STIM2: variants seen among roughly 807,000 people sequenced by gnomAD.
The protein encoded by STIM2 is stromal interaction molecule 2.
Under a neutral mutation model 85.8 loss-of-function variants are expected in STIM2, and 31 were observed. The ratio of observed to expected loss-of-function variants is 0.36; its 90% CI spans 0.27 to 0.49. The LOEUF (loss-of-function observed/expected upper bound fraction) is 0.49. STIM2 is among the 20% of genes least tolerant of loss of function. The probability of loss-of-function intolerance (pLI) is 0.98; values close to 1 mark genes in which losing one functional copy is unlikely to be tolerated. For missense variants in STIM2, 841 were observed against 927.6 expected (o/e 0.91, Z 1.21); for synonymous variants, 356 against 331.1 (o/e 1.08, Z -0.82).
chr4:26,914,247 A>G (rs1361262818), intron 1 of STIM2, among the ~76,000 whole-genome samples: 7 of 152,232 alleles, frequency 4.6e-5, no homozygotes, highest in Non-Finnish European at 7.3e-5. Context: ...GGCAAAGTGA[A>G]ATGTGTAACA....
At chr4:27,014,718 T>C (rs1728678607) in intron 10 of STIM2, among the ~76,000 whole-genome samples, 1 of 151,960 alleles carries the variant, frequency 6.6e-6, no homozygotes, top group African/African-American at 2.4e-5. Context: ...AAATCTTCTG[T>C]ATACGTATAC....
intron 2 of STIM2, among the ~76,000 whole-genome samples, chr4:26,936,074 G>A (rs1431069101): frequency 2.0e-5 from 3 of 152,092 alleles, no homozygotes. Context: ...GGATCTTTTG[G>A]TTTTTAAAGT....
intron 1 of STIM2, among the ~76,000 whole-genome samples, chr4:26,907,849 T>C (rs1326740944): frequency 6.6e-6 from 1 of 152,188 alleles, no homozygotes; most frequent in Non-Finnish European, 1.5e-5. Flanking sequence ...GAACATCAAG[T>C]CCCTGGTCTG....
At chr4:26,937,654 TGAAA>T (rs1725442139) in intron 2 of STIM2, among the ~76,000 whole-genome samples, 1 of 152,114 alleles carries the variant, frequency 6.6e-6, no homozygotes, top group Admixed American at 6.5e-5. Context: ...TTTTTCTGAG[TGAAA>T]GAGAGTGTTA....
chr4:26,986,466 CTT>C (rs1727589785), intron 3 of STIM2, among the ~76,000 whole-genome samples: 1 of 152,126 alleles, frequency 6.6e-6, no homozygotes, highest in African/African-American at 2.4e-5. Context: ...AGGCTTGTAA[CTT>C]AATACAGGCA....
intron 1 of STIM2, among the ~76,000 whole-genome samples, chr4:26,904,876 T>C (rs1198035934): frequency 6.6e-6 from 1 of 151,990 alleles, no homozygotes; most frequent in Non-Finnish European, 1.5e-5. Context: ...GTGATACCCT[T>C]GAGGGGCTAA....
At chr4:26,987,023 T>A (rs868222848) in intron 3 of STIM2, among the ~76,000 whole-genome samples, 1 of 152,178 alleles carries the variant, frequency 6.6e-6, no homozygotes, top group Non-Finnish European at 1.5e-5. Context: ...GTATAGAAAT[T>A]CATGGGAGAA....
intron 1 of STIM2, among the ~76,000 whole-genome samples, chr4:26,869,246 C>T (rs1722516614): frequency 6.7e-6 from 1 of 149,842 alleles, no homozygotes; most frequent in East Asian, 2.0e-4. Flanking sequence ...CTGCAGCAAG[C>T]CCTGATCAGG....
chr4:26,988,561 G>A (rs980425449), intron 3 of STIM2, among the ~76,000 whole-genome samples: 1 of 152,060 alleles, frequency 6.6e-6, no homozygotes, highest in Admixed American at 6.6e-5. Context: ...TTGAAGAGGC[G>A]GTGTTCCTGC....
At chr4:27,019,636 T>G (rs1728850314) in intron 11 of STIM2, 1 of 438,064 alleles carries the variant, frequency 2.3e-6, no homozygotes, top group African/African-American at 2.1e-5. Flanking sequence ...TCTCCTCTAT[T>G]GAACCACCAG....
At chr4:26,957,843 G>T in intron 3 of STIM2, 117 bp downstream of exon 3, 2 of 608,562 alleles carry the variant, frequency 3.3e-6, no homozygotes, top group Non-Finnish European at 5.8e-6. Flanking sequence ...ATTTCTGTGA[G>T]GATATTTATA....
chr4:26,999,481 A>T (rs1728070709), intron 5 of STIM2, 134 bp downstream of exon 5: 2 of 370,440 alleles, frequency 5.4e-6, no homozygotes. Flanking sequence ...GAAGTGTAAT[A>T]CTACCTTAAA....
At chr4:26,970,064 A>G (rs1303447236) in intron 3 of STIM2, among the ~76,000 whole-genome samples, 1 of 151,328 alleles carries the variant, frequency 6.6e-6, no homozygotes, top group Non-Finnish European at 1.5e-5. Flanking sequence ...CAAAATAAAA[A>G]AAATGAGAAG....
intron 7 of STIM2, among the ~76,000 whole-genome samples, chr4:27,003,975 G>A (rs143075295): frequency 1.5e-4 from 23 of 152,132 alleles, no homozygotes; most frequent in African/African-American, 4.8e-4. Flanking sequence ...AACAAAATGA[G>A]GATTATAAAA....
intron 1 of STIM2, among the ~76,000 whole-genome samples, chr4:26,882,197 A>T (rs1467189195): frequency 6.6e-6 from 1 of 152,176 alleles, no homozygotes; most frequent in Non-Finnish European, 1.5e-5. Flanking sequence ...GAAGATGAAG[A>T]CTGATTCTTT....
At chr4:26,873,930 G>A (rs1422486208) in intron 1 of STIM2, 2 of 1,351,884 alleles carry the variant, frequency 1.5e-6, no homozygotes, top group Non-Finnish European at 2.1e-6. Flanking sequence ...CCTCCAGACA[G>A]CTGGGTGCTC....
At position 26,999,310 on chromosome 4, in the gene STIM2, C is replaced by A; in HGVS notation, c.588C>A (p.Leu196=). The change falls in exon 5 of 12, where the codon CTC becomes CTA. Residue 196 remains leucine, a synonymous_variant. Transcript: ENST00000467087. Reference sequence around the variant, plus strand: ...GGAGTCACAGACAAAAACTTCAGCTCAAGGCATTGGATGTGGTTTTGTTTG... The same window carrying A: ...GGAGTCACAGACAAAAACTTCAGCTAAAGGCATTGGATGTGGTTTTGTTTG... 1 of 1,609,568 alleles carries A rather than the reference C, an allele frequency of 6.2e-7. No individual in the cohort carries two copies. The highest frequency in any genetic ancestry group is 8.5e-7 in the Non-Finnish European group (1 of 1,177,898).
At chr4:26,898,908 G>A (rs1215707216) in intron 1 of STIM2, among the ~76,000 whole-genome samples, 1 of 151,138 alleles carries the variant, frequency 6.6e-6, no homozygotes, top group Admixed American at 6.6e-5. Flanking sequence ...CTAAATTCTT[G>A]TTAATTTTAT....
At chr4:26,956,409 A>G (rs923475165) in intron 2 of STIM2, among the ~76,000 whole-genome samples, 1 of 151,532 alleles carries the variant, frequency 6.6e-6, no homozygotes, top group Non-Finnish European at 1.5e-5. Context: ...GTAATATAGA[A>G]CAGGTTAGTT....
Sources: gnomAD v4.1 joint callset for allele counts (sites outside exome capture counted in the v4.1 genomes callset) on GRCh38, gnomAD v4.1.1 for gene constraint, MANE v1.5 for transcripts, NCBI Gene and HGNC (gene_info 2026-07-23, HGNC 2026-07-21) for gene names.